COL11A1: variants seen among roughly 807,000 people sequenced by gnomAD.
COL11A1 encodes the protein collagen type XI alpha 1 chain, also known as collagen alpha-1(XI) chain.
In COL11A1, 74 loss-of-function variants were observed where a neutral mutation model predicts 265.2. The ratio of observed to expected loss-of-function variants is 0.28; its 90% confidence interval spans 0.23 to 0.34. The LOEUF (loss-of-function observed/expected upper bound fraction) is 0.34. Ranked by LOEUF, COL11A1 falls within the 10% of genes least tolerant of loss-of-function variation. The probability of loss-of-function intolerance (pLI) is 1.00; values close to 1 mark genes in which losing one functional copy is unlikely to be tolerated. For synonymous variants in COL11A1, 816 were observed against 727.6 expected (o/e 1.12, Z -1.96); for missense variants, 2,165 against 2,263.6 (o/e 0.96, Z 0.88).
In COL11A1 at chr1:102,934,449, C is replaced by T; in HGVS notation, c.3600G>A (p.Gln1200=). ...GTAAACAATGACAGGATCATCTTAC[C>T]TGAAGACCTATTGGACCAGGAGGTC... ...FPGPPGPIGL[Q]GLPGPPGEKG... The change falls in exon 46 of 67, where the codon CAG becomes CAA. Residue 1200 remains glutamine, a splice_region_variant and synonymous_variant. Coordinates refer to ENST00000370096, the MANE Select transcript of COL11A1 (RefSeq NM_001854.4). The T allele has an allele frequency of 6.2e-7, 1 of 1,605,078 alleles. No individual in the cohort carries two copies. The highest frequency in any genetic ancestry group is 8.5e-7 in the Non-Finnish European group (1 of 1,171,736).
At chr1:102,941,009 G>T (rs553991702) in intron 42 of COL11A1, among the ~76,000 whole-genome samples, 1 of 152,062 alleles carries the variant, frequency 6.6e-6, no homozygotes, top group East Asian at 1.9e-4. Context: ...ATATATTTTT[G>T]TAATTTAAAA....
intron 1 of COL11A1, among the ~76,000 whole-genome samples, chr1:103,084,997 T>A (rs1181491171): frequency 1.3e-5 from 2 of 152,212 alleles, no homozygotes; most frequent in African/African-American, 2.4e-5. Flanking sequence ...AAAAATGAAA[T>A]AATTATTTAT....
intron 1 of COL11A1, among the ~76,000 whole-genome samples, chr1:103,084,208 A>G (rs899242365): frequency 1.3e-5 from 2 of 152,064 alleles, no homozygotes; most frequent in Non-Finnish European, 2.9e-5. Context: ...TTTTTCATCA[A>G]CTCAAACTTC....
chr1:102,975,868 T>G lies in COL11A1; in HGVS notation c.2755-985A>C, dbSNP rs192257046. On this transcript the variant is annotated intron_variant, in intron 35 of 66. Transcript: ENST00000370096. ...CCAAGAAAAATCTCATTACCATTCA[T>G]AAGCCAATGTTAGTTCAGAAATCAT... 1.7e-3 allele frequency among the ~76,000 whole-genome samples: 254 copies of G among 152,260 alleles called. 1 individual carries two copies. Among genetic ancestry groups the G allele is most frequent in the Middle Eastern group, 0.01 (3 of 292 alleles).
At chr1:102,953,168 A>G (rs572326247) in intron 41 of COL11A1, among the ~76,000 whole-genome samples, 12 of 152,354 alleles carry the variant, frequency 7.9e-5, no homozygotes, top group African/African-American at 2.9e-4. Context: ...TAAATAAACT[A>G]TTATATCTAA....
chr1:102,967,999 G>A (rs1661612351), intron 37 of COL11A1, among the ~76,000 whole-genome samples: 1 of 152,200 alleles, frequency 6.6e-6, no homozygotes, highest in South Asian at 2.1e-4. Context: ...ATGGATTTGG[G>A]AAAGCTGGAA....
At chr1:102,879,163 T>A (rs945406065) in intron 66 of COL11A1, among the ~76,000 whole-genome samples, 2 of 152,156 alleles carry the variant, frequency 1.3e-5, no homozygotes, top group East Asian at 3.9e-4. Context: ...TATTTTCTTA[T>A]GTAAAATCTT....
chr1:103,035,593 C>A (rs1313993201), intron 4 of COL11A1, among the ~76,000 whole-genome samples: 4 of 151,982 alleles, frequency 2.6e-5, no homozygotes, highest in Admixed American at 2.6e-4. Flanking sequence ...TCAAATAGTG[C>A]TTTAAAAATA....
chr1:103,083,352 T>C (rs1405239916), intron 1 of COL11A1, among the ~76,000 whole-genome samples: 1 of 151,982 alleles, frequency 6.6e-6, no homozygotes, highest in Non-Finnish European at 1.5e-5. Flanking sequence ...ATCTCAATTA[T>C]AATTTATAAA....
At chr1:102,928,206 C>T (rs558902629) in intron 46 of COL11A1, among the ~76,000 whole-genome samples, 2 of 151,982 alleles carry the variant, frequency 1.3e-5, no homozygotes, top group East Asian at 1.9e-4. Flanking sequence ...CCCACTAACT[C>T]GTCATCTAGC....
intron 4 of COL11A1, among the ~76,000 whole-genome samples, chr1:103,057,924 T>G (rs2102178401): frequency 6.6e-6 from 1 of 152,274 alleles, no homozygotes; most frequent in Non-Finnish European, 1.5e-5. Context: ...GGCTTCAACT[T>G]AAAGTAGCCA....
rs1008767270 is a variant in COL11A1 at position 102,913,634 on chromosome 1, C to T, written c.4032+3G>A. 6.2e-7 allele frequency: 1 copy of T among 1,613,030 alleles called. No individual in the cohort carries two copies. The highest frequency in any genetic ancestry group is 8.5e-7 in the Non-Finnish European group (1 of 1,179,240). ...TTAAAAATAAATTAGTGCATTTACT[C>T]ACCGGTTGACCAGGATCTCCATCTT... On this transcript the variant is annotated splice_donor_region_variant and intron_variant, in intron 53 of 66. Coordinates refer to ENST00000370096, the MANE Select transcript of COL11A1 (RefSeq NM_001854.4).
At chr1:102,911,495 T>A (rs950137450) in intron 54 of COL11A1, among the ~76,000 whole-genome samples, 2 of 152,106 alleles carry the variant, frequency 1.3e-5, no homozygotes, top group Non-Finnish European at 2.9e-5. Context: ...GAAAATAGAC[T>A]GCAGGTGGTA....
At chr1:103,094,087 G>A (rs1673548662) in intron 1 of COL11A1, among the ~76,000 whole-genome samples, 1 of 152,054 alleles carries the variant, frequency 6.6e-6, no homozygotes, top group Admixed American at 6.6e-5. Context: ...AGGATTTGCA[G>A]CAGAGCCAAT....
intron 54 of COL11A1, among the ~76,000 whole-genome samples, chr1:102,901,791 A>C (rs1465213159): frequency 6.6e-6 from 1 of 152,164 alleles, no homozygotes; most frequent in African/African-American, 2.4e-5. Flanking sequence ...TCTTTTCACT[A>C]TTCAAGTTTT....
At chr1:103,011,270 C>T (rs1468177818) in intron 14 of COL11A1, among the ~76,000 whole-genome samples, 1 of 151,990 alleles carries the variant, frequency 6.6e-6, no homozygotes, top group Non-Finnish European at 1.5e-5. Flanking sequence ...AAAATTAACT[C>T]TATTTCATTG....
At chr1:103,054,114 A>G (rs1295149124) in intron 4 of COL11A1, among the ~76,000 whole-genome samples, 1 of 152,160 alleles carries the variant, frequency 6.6e-6, no homozygotes, top group Non-Finnish European at 1.5e-5. Flanking sequence ...AGTCTACCAC[A>G]TTTTTACCTA....
chr1:103,033,309 G>A (rs1052299207), intron 4 of COL11A1, among the ~76,000 whole-genome samples: 1 of 151,150 alleles, frequency 6.6e-6, no homozygotes, highest in South Asian at 2.1e-4. Flanking sequence ...TTAATATTAC[G>A]TTATTCTTCC....
At chr1:102,917,654 C>T (rs986683896) in intron 49 of COL11A1, among the ~76,000 whole-genome samples, 6 of 151,674 alleles carry the variant, frequency 4.0e-5, no homozygotes, top group African/African-American at 7.3e-5. Flanking sequence ...GTTCTCTTTT[C>T]GTTCTTATCA....
Sources: allele counts gnomAD v4.1 joint callset (sites outside exome capture counted in the v4.1 genomes callset), GRCh38; gene constraint gnomAD v4.1.1; transcripts MANE v1.5; gene names NCBI Gene and HGNC (gene_info 2026-07-23, HGNC 2026-07-21).